DOCK3: variants seen among roughly 807,000 people sequenced by gnomAD.
DOCK3 encodes dedicator of cytokinesis protein 3.
In DOCK3, 60 loss-of-function variants were observed where a neutral mutation model predicts 265.6. That is an observed-to-expected ratio of 0.23 (90% CI 0.18 to 0.28). The LOEUF (loss-of-function observed/expected upper bound fraction) is 0.28, where lower values mean the gene tolerates loss of function less well. DOCK3 is among the 10% of genes least tolerant of loss of function. DOCK3 has a pLI of 1.00. For synonymous variants in DOCK3, 881 were observed against 938.0 expected (o/e 0.94, Z 1.11); for missense variants, 1,981 against 2,594.3 (o/e 0.76, Z 5.14).
chr3:51,150,475 G>A (rs1048011660), intron 10 of DOCK3, among the ~76,000 whole-genome samples: 30 of 152,308 alleles, frequency 2.0e-4, no homozygotes, highest in African/African-American at 6.5e-4. Flanking sequence ...TGGGCATTTA[G>A]TGCTATACAT....
intron 1 of DOCK3, among the ~76,000 whole-genome samples, chr3:50,721,520 G>A (rs552632653): frequency 6.6e-6 from 1 of 151,948 alleles, no homozygotes; most frequent in East Asian, 1.9e-4. Flanking sequence ...TTTATTTTTG[G>A]GCTGTCTATT....
At chr3:50,917,563 C>G (rs527695395) in intron 4 of DOCK3, among the ~76,000 whole-genome samples, 1 of 151,912 alleles carries the variant, frequency 6.6e-6, no homozygotes, top group Non-Finnish European at 1.5e-5. Flanking sequence ...ACCCCTTTTA[C>G]TCTAATACTG....
chr3:51,187,136 G>A (rs1028152576), intron 12 of DOCK3, among the ~76,000 whole-genome samples: 3 of 152,188 alleles, frequency 2.0e-5, no homozygotes, highest in Admixed American at 6.5e-5. Context: ...CCAGGAGAGG[G>A]GCTATACCCT....
At chr3:51,099,772 A>G (rs2083009524) in intron 9 of DOCK3, among the ~76,000 whole-genome samples, 1 of 152,248 alleles carries the variant, frequency 6.6e-6, no homozygotes, top group African/African-American at 2.4e-5. Context: ...AATAGAAATA[A>G]GTAAATTGTA....
chr3:51,374,572 C>A lies in DOCK3; in HGVS notation c.5397C>A (p.Ile1799=). The A allele has an allele frequency of 6.2e-7, 1 of 1,612,744 alleles. No individual in the cohort carries two copies. The highest frequency in any genetic ancestry group is 1.1e-5 in the South Asian group (1 of 90,666). The part of the protein sequence containing the change: ...RPSSAMYPAA[I]LENGQPPNFQ... Reference sequence around the variant, plus strand: ...GCAGTGCCATGTATCCAGCAGCCATCCTGGAGAACGGACAGGTAATAGACC... The same window carrying A: ...GCAGTGCCATGTATCCAGCAGCCATACTGGAGAACGGACAGGTAATAGACC... Residue 1799 remains isoleucine, a synonymous_variant, in exon 50 of 53, where the codon ATC becomes ATA. Transcript: ENST00000266037. This position sits in a 1 kb window ranked among gnomAD's most constrained non-coding sequence, Gnocchi z 4.8.
rs1204549709 is a variant in DOCK3, at chr3:51,356,964, G to A, written c.4506G>A (p.Val1502=). ...RWFEVERREL[V]EVSPLENAIQ... is the part of the protein sequence containing the mutation. ...CTCTGTGTGCTGTGTGCCCCTAGGT[G>A]GAGGTGAGCCCTCTGGAGAATGCCA... Residue 1502 remains valine, a splice_region_variant and synonymous_variant, in exon 44 of 53, where the codon GTG becomes GTA. Coordinates refer to ENST00000266037, the MANE Select transcript of DOCK3 (RefSeq NM_004947.5). The A allele has an allele frequency of 6.2e-7, 1 of 1,611,616 alleles. No individual in the cohort carries two copies. Among genetic ancestry groups the A allele is most frequent in the Non-Finnish European group, 8.5e-7 (1 of 1,178,914 alleles).
chr3:50,968,404 G>A (rs1413410075), intron 5 of DOCK3, among the ~76,000 whole-genome samples: 2 of 152,208 alleles, frequency 1.3e-5, no homozygotes, highest in Admixed American at 1.3e-4. Context: ...GTAAGGTGAA[G>A]TCTGAGCTTT....
At chr3:50,860,841 G>T (rs1399978301) in intron 3 of DOCK3, among the ~76,000 whole-genome samples, 3 of 152,214 alleles carry the variant, frequency 2.0e-5, no homozygotes. Flanking sequence ...CCATGGAAGT[G>T]GGGCCTGCAG....
rs1297993167 is a variant in DOCK3, at chr3:50,675,766, C to T, written c.37+466C>T. Among the ~76,000 whole-genome samples, 1 of 152,124 alleles carries T rather than the reference C, an allele frequency of 6.6e-6. No individual in the cohort carries two copies. The highest frequency in any genetic ancestry group is 1.5e-5 in the Non-Finnish European group (1 of 67,994). ...AAACGTTGACATCATTTTCCCAGTT[C>T]AAAAATTTGGACATTTGACTGCAAA... On this transcript the variant is annotated intron_variant, in intron 1 of 52. Coordinates refer to ENST00000266037, the MANE Select transcript of DOCK3 (RefSeq NM_004947.5). The surrounding 1 kb of genome is among the most constrained non-coding windows in gnomAD (Gnocchi z 6.1).
intron 5 of DOCK3, among the ~76,000 whole-genome samples, chr3:51,055,318 G>A (rs988475356): frequency 6.6e-6 from 1 of 152,190 alleles, no homozygotes; most frequent in African/African-American, 2.4e-5. Context: ...GGTACCTCCA[G>A]TCTCAGAGCC....
At chr3:51,160,937 G>A (rs749669153) in intron 12 of DOCK3, among the ~76,000 whole-genome samples, 31 of 151,922 alleles carry the variant, frequency 2.0e-4, no homozygotes, top group Non-Finnish European at 4.1e-4. Context: ...TTAGCCAGGC[G>A]TGGTGGCACG....
intron 27 of DOCK3, among the ~76,000 whole-genome samples, chr3:51,297,347 A>C (rs1018267958): frequency 6.6e-6 from 1 of 152,224 alleles, no homozygotes; most frequent in African/African-American, 2.4e-5. Context: ...GTTAGACTTC[A>C]TCACACAAAG....
chr3:50,784,070 G>C (rs188751528), intron 2 of DOCK3, among the ~76,000 whole-genome samples: 1 of 152,190 alleles, frequency 6.6e-6, no homozygotes, highest in Non-Finnish European at 1.5e-5. Flanking sequence ...GTTTCACCAC[G>C]TTGGCCAGGT....
chr3:50,955,447 A>G (rs975588866), intron 5 of DOCK3, among the ~76,000 whole-genome samples: 12 of 152,200 alleles, frequency 7.9e-5, no homozygotes, highest in Admixed American at 2.6e-4. Context: ...ATGCTCATCA[A>G]TGACAGACTG....
intron 27 of DOCK3, among the ~76,000 whole-genome samples, chr3:51,298,529 A>G (rs2082219158): frequency 6.6e-6 from 1 of 152,094 alleles, no homozygotes; most frequent in Non-Finnish European, 1.5e-5. Flanking sequence ...TAAGCCCAGC[A>G]CGCATTAGCT....
chr3:50,963,535 A>G (rs1312437313), intron 5 of DOCK3, among the ~76,000 whole-genome samples: 1 of 152,240 alleles, frequency 6.6e-6, no homozygotes, highest in East Asian at 1.9e-4. Flanking sequence ...TTAAAAATCA[A>G]TATAGACTTC....
intron 12 of DOCK3, among the ~76,000 whole-genome samples, chr3:51,162,727 T>C (rs1560146961): frequency 6.6e-6 from 1 of 152,232 alleles, no homozygotes; most frequent in Non-Finnish European, 1.5e-5. Flanking sequence ...AATCATGCTG[T>C]CAGGCTTAAT....
intron 7 of DOCK3, among the ~76,000 whole-genome samples, chr3:51,081,706 T>A (rs994006658): frequency 6.6e-5 from 10 of 152,104 alleles, no homozygotes; most frequent in Middle Eastern, 3.4e-3. Flanking sequence ...CCATCCTGGC[T>A]AACACGGTGA....
At chr3:51,210,887 T>G (rs1317384356) in intron 13 of DOCK3, among the ~76,000 whole-genome samples, 2 of 152,114 alleles carry the variant, frequency 1.3e-5, no homozygotes. Flanking sequence ...GTGCTGAGAG[T>G]AAATGTATCA....
Sources: gnomAD v4.1 joint callset for allele counts (sites outside exome capture counted in the v4.1 genomes callset) on GRCh38, gnomAD v4.1.1 for gene constraint, Gnocchi (gnomAD v3.1) non-coding constraint, MANE v1.5 for transcripts, NCBI Gene and HGNC (gene_info 2026-07-23, HGNC 2026-07-21) for gene names.